Variants in TGM3 observed in about 807,000 individuals in gnomAD.
The protein encoded by TGM3 is transglutaminase 3, also known as protein-glutamine gamma-glutamyltransferase E.
In TGM3, 52 loss-of-function variants were observed where a neutral mutation model predicts 73.8. The observed-to-expected ratio is 0.70, with a 90% CI of 0.56 to 0.89. TGM3 has a LOEUF of 0.89. Among genes scored for constraint, TGM3 ranks in the 40% least tolerant of loss-of-function variants. TGM3 has a pLI of 0.00. For synonymous variants in TGM3, 372 were observed against 354.9 expected, an observed-to-expected ratio of 1.05 and a Z score of -0.54; for missense variants, 928 against 909.9, an observed-to-expected ratio of 1.02 and a Z score of -0.26.
chr20:2,329,668 G>A (rs113326741), intron 9 of TGM3, among the ~76,000 whole-genome samples: 3 of 152,092 alleles, frequency 2.0e-5, no homozygotes, highest in African/African-American at 2.4e-5. Flanking sequence ...ACTCGGGGGC[G>A]GAAGGTGAAC....
At chr20:2,338,246 T>A (rs2084362254) in intron 11 of TGM3, among the ~76,000 whole-genome samples, 1 of 152,174 alleles carries the variant, frequency 6.6e-6, no homozygotes, top group Non-Finnish European at 1.5e-5. Flanking sequence ...TCCCAATTGA[T>A]CCATCATCTG....
intron 1 of TGM3, among the ~76,000 whole-genome samples, chr20:2,309,351 A>T (rs1322944656): frequency 6.6e-6 from 1 of 152,164 alleles, no homozygotes; most frequent in Non-Finnish European, 1.5e-5. Context: ...GGAGGGGGGA[A>T]AGACACTCTC....
rs539637428 is a variant in TGM3, at chr20:2,303,279, C to T, written c.8-6378C>T. On this transcript the variant is annotated intron_variant, in intron 1 of 12. Coordinates refer to ENST00000381458, the MANE Select transcript of TGM3 (RefSeq NM_003245.4). Reference sequence around the variant, plus strand: ...TCGTACCTCTGCACTCCAGCCTGGGCGACAGAGGGAGACTCCATCTCAAAA... The same window carrying T: ...TCGTACCTCTGCACTCCAGCCTGGGTGACAGAGGGAGACTCCATCTCAAAA... 4.6e-5 allele frequency among the ~76,000 whole-genome samples: 7 copies of T among 150,668 alleles called. No homozygotes were observed. The South Asian group carries it at 6.3e-4, about 14-fold the overall frequency.
rs140483456 is a variant in TGM3 at position 2,312,974 on chromosome 20, A to C, written c.617A>C (p.Asp206Ala). 1.9e-6 allele frequency: 3 copies of C among 1,614,190 alleles called. No individual in the cohort carries two copies. The highest frequency in any genetic ancestry group is 1.3e-5 in the African/African-American group (1 of 75,042). Residue 206 changes from aspartate (D) to alanine (A), a missense_variant, in exon 5 of 13, where the codon GAT becomes GCT. Asp to Ala is a moderately radical substitution (Grantham distance 126). Coordinates refer to ENST00000381458, the MANE Select transcript of TGM3 (RefSeq NM_003245.4). ...SLNFRRDAAT[D>A]VASRNDPKYV... ...AATTTCCGCCGTGACGCTGCTACTG[A>C]TGTGGCCAGCAGAAATGACCCCAAA...
chr20:2,313,452 C>T (rs2122223282), intron 5 of TGM3, among the ~76,000 whole-genome samples: 1 of 152,254 alleles, frequency 6.6e-6, no homozygotes, highest in Middle Eastern at 3.4e-3. Flanking sequence ...CTCATCTCTT[C>T]CACAGCCCAG....
At chr20:2,331,881 G>A (rs2084322295) in intron 9 of TGM3, 121 bp from the exon 10 acceptor site, 1 of 1,178,584 alleles carries the variant, frequency 8.5e-7, no homozygotes, top group Non-Finnish European at 1.2e-6. Context: ...AAAGTCGAAT[G>A]CCTGCTAGGG....
At position 2,340,731 on chromosome 20, in the gene TGM3, C is replaced by G. The variant is rs1266094258; in HGVS notation, c.*150C>G. The G allele has an allele frequency of 1.0e-6, 1 of 1,001,640 alleles. No homozygotes were observed. The highest frequency in any genetic ancestry group is 1.5e-6 in the Non-Finnish European group (1 of 661,452). 62.0% of individuals were successfully genotyped at this position (1,001,640 alleles called of 1,614,324 possible). A position where few individuals can be genotyped will look rare whatever the true frequency, so the allele number is the denominator to read the frequency against. ...CATGGACCTCCAGGCTCCAGCACAT[C>G]CCCCTCTCCTCTCCCCCAGGTTGGG... On this transcript the variant is annotated 3_prime_UTR_variant, in exon 13 of 13. Transcript: ENST00000381458.
chr20:2,297,688 C>T (rs1256091056), intron 1 of TGM3, among the ~76,000 whole-genome samples: 1 of 152,146 alleles, frequency 6.6e-6, no homozygotes, highest in African/African-American at 2.4e-5. Flanking sequence ...TACATTCAGT[C>T]CCTTAAATTT....
In TGM3 at chr20:2,339,961, C is replaced by A. The variant is rs780647083; in HGVS notation, c.1908C>A (p.Gly636=). 1 of 1,495,280 alleles carries A rather than the reference C, an allele frequency of 6.7e-7. No individual in the cohort carries two copies. The allele number at this position is 1,495,280 out of a possible 1,614,324, so 92.6% of individuals were successfully genotyped here. A position where few individuals can be genotyped will look rare whatever the true frequency, so the allele number is the denominator to read the frequency against. The change falls in exon 12 of 13, where the codon GGC becomes GGA. Residue 636 remains glycine, a synonymous_variant. Transcript: ENST00000381458. ...RDCVLMVEGS[G]LLLGNLKIDV... ...GCGTGCTGATGGTGGAGGGAAGCGG[C>A]CTGCTGTTGGGTAACCTGAAGATCG... is the stretch of plus-strand genomic sequence containing the variant.
chr20:2,310,037 T>A lies in TGM3; in HGVS notation c.182-141T>A. On this transcript the variant is annotated intron_variant, in intron 2 of 12. Coordinates refer to ENST00000381458, the MANE Select transcript of TGM3 (RefSeq NM_003245.4). ...CAAATCAAGAGGGATCTGGCCTGTA[T>A]GTTTGTTCCAGTTACTTCCAGTGGT... is the stretch of plus-strand genomic sequence containing the variant. 5.7e-6 allele frequency: 8 copies of A among 1,406,990 alleles called. No individual in the cohort carries two copies. In the South Asian group the frequency reaches 9.2e-5, roughly 16 times the overall value. The allele number at this position is 1,406,990 out of a possible 1,614,324, so 87.2% of individuals were successfully genotyped here.
At chr20:2,313,363 G>T (rs2084216933) in intron 5 of TGM3, among the ~76,000 whole-genome samples, 1 of 152,174 alleles carries the variant, frequency 6.6e-6, no homozygotes. Context: ...CAAAGCTAGG[G>T]CTCTGCTCCA....
intron 3 of TGM3, among the ~76,000 whole-genome samples, 159 bp from the exon 4 acceptor site, chr20:2,310,852 A>G (rs1470587400): frequency 6.6e-6 from 1 of 152,126 alleles, no homozygotes; most frequent in Non-Finnish European, 1.5e-5. Flanking sequence ...AGTTCCCACA[A>G]TTGGAGTTGG....
intron 1 of TGM3, among the ~76,000 whole-genome samples, chr20:2,299,911 A>G (rs2084133695): frequency 6.6e-6 from 1 of 152,156 alleles, no homozygotes; most frequent in Non-Finnish European, 1.5e-5. Flanking sequence ...CAGCCTGGCC[A>G]ATACGACAAA....
chr20:2,325,724 G>T lies in TGM3; in HGVS notation c.984-125G>T, dbSNP rs543600653. ...CTCACCAGGGCTTAGCATAACCGCCGTCACAGGGCAAACTCACTCGATGCA... is the reference window on the plus strand; with the variant it reads ...CTCACCAGGGCTTAGCATAACCGCCTTCACAGGGCAAACTCACTCGATGCA... On this transcript the variant is annotated intron_variant, in intron 7 of 12. Transcript: ENST00000381458. 4 of 714,510 alleles carry T rather than the reference G, an allele frequency of 5.6e-6. No homozygotes were observed. The African/African-American group carries it at 7.0e-5, about 12-fold the overall frequency. The allele number at this position is 714,510 out of a possible 1,614,324, so 44.3% of individuals were successfully genotyped here.
In TGM3 at chr20:2,296,124, C is replaced by T. The variant is rs1159758554; in HGVS notation, c.7+54C>T. Reference sequence around the variant, plus strand: ...TCCTTGCCAGAAGCCTGTGCTTCCCCTGGGCCAGCCTGCCAAGCCAGAGTG... The same window carrying T: ...TCCTTGCCAGAAGCCTGTGCTTCCCTTGGGCCAGCCTGCCAAGCCAGAGTG... On this transcript the variant is annotated intron_variant, in intron 1 of 12. Coordinates refer to ENST00000381458, the MANE Select transcript of TGM3 (RefSeq NM_003245.4). 3.2e-6 allele frequency: 5 copies of T among 1,547,366 alleles called. No homozygotes were observed. In the African/African-American group the frequency reaches 6.9e-5, roughly 21 times the overall value.
rs778711289 is a variant in TGM3 at position 2,311,059 on chromosome 20, A to G, written c.470A>G (p.Gln157Arg). The change falls in exon 4 of 13, where the codon CAG becomes CGG. Residue 157 changes from glutamine to arginine, a missense_variant. Gln to Arg is a conservative substitution (Grantham distance 43). Transcript: ENST00000381458. ...GNHAEREEYVQEDAGIIFVGS... is the reference protein window; with the variant it reads ...GNHAEREEYVREDAGIIFVGS... ...CACGCTGAGAGAGAAGAGTATGTTC[A>G]GGAAGATGCCGGCATCATCTTTGTG... 1.4e-5 allele frequency: 23 copies of G among 1,614,064 alleles called. No individual in the cohort carries two copies. The African/African-American group carries it at 2.8e-4, about 20-fold the overall frequency.
chr20:2,337,127 A>G lies in TGM3; in HGVS notation c.1800+1854A>G, dbSNP rs117631280. Among the ~76,000 whole-genome samples the G allele has an allele frequency of 1.6e-3, 241 of 152,312 alleles. 5 individuals are homozygous for G. The highest frequency in any genetic ancestry group is 5.3e-4 in the Non-Finnish European group (36 of 68,020). On this transcript the variant is annotated intron_variant, in intron 11 of 12. Coordinates refer to ENST00000381458, the MANE Select transcript of TGM3 (RefSeq NM_003245.4). ...ACTGTCTCCCTTAGCACAATGTCTT[A>G]GTGGATAGCCACTATTTGTAAAAGA...
Position 2,309,717 on chromosome 20 carries a change from A to C in TGM3, c.68A>C (p.Asp23Ala). 1 of 1,614,164 alleles carries C rather than the reference A, an allele frequency of 6.2e-7. No individual in the cohort carries two copies. ...TAFNRQAHHT[D>A]KFSSQELILR... The stretch of plus-strand genomic sequence containing the variant: ...TTCAACCGACAAGCGCATCACACAG[A>C]CAAGTTCTCCAGCCAGGAGCTCATC... The change falls in exon 2 of 13, where the codon GAC (aspartate) becomes GCC (alanine). Residue 23 changes from aspartate to alanine, a missense_variant. Physicochemically the swap from Asp to Ala is moderately radical, Grantham distance 126 (BLOSUM62 -2). Coordinates refer to ENST00000381458, the MANE Select transcript of TGM3 (RefSeq NM_003245.4).
At chr20:2,297,667 A>G (rs1202983934) in intron 1 of TGM3, among the ~76,000 whole-genome samples, 1 of 152,196 alleles carries the variant, frequency 6.6e-6, no homozygotes, top group Admixed American at 6.5e-5. Context: ...GGTGGTGGAG[A>G]GACAGGCGAA....
Sources: gnomAD v4.1 joint callset for allele counts (sites outside exome capture counted in the v4.1 genomes callset) on GRCh38, gnomAD v4.1.1 for gene constraint, MANE v1.5 for transcripts, NCBI Gene and HGNC (gene_info 2026-07-23, HGNC 2026-07-21) for gene names.